The following DLG2 variants were observed in gnomAD, a reference collection of about 807,000 sequenced individuals.
DLG2 encodes the protein disks large homolog 2.
DLG2 carries 45 observed loss-of-function variants against 132.5 expected under a neutral mutation model. That is an observed-to-expected ratio of 0.34 (90% confidence interval 0.27 to 0.44). The LOEUF (loss-of-function observed/expected upper bound fraction) is 0.44. Ranked by LOEUF, DLG2 falls within the 20% of genes least tolerant of loss-of-function variation. The pLI, the probability that DLG2 is intolerant of heterozygous loss-of-function variation, is 1.00. For missense variants in DLG2, 1,045 were observed against 1,196.9 expected, an observed-to-expected ratio of 0.87 and a Z score of 1.87; for synonymous variants, 424 against 419.6, an observed-to-expected ratio of 1.01 and a Z score of -0.13.
intron 7 of DLG2, among the ~76,000 whole-genome samples, chr11:84,283,425 A>G (rs2154371534): frequency 6.6e-6 from 1 of 152,324 alleles, no homozygotes; most frequent in South Asian, 2.1e-4. Flanking sequence ...TTAGAGCAGA[A>G]CCTGGCACAT....
chr11:83,915,468 G>C (rs1348875188), intron 15 of DLG2, among the ~76,000 whole-genome samples: 1 of 152,042 alleles, frequency 6.6e-6, no homozygotes, highest in Non-Finnish European at 1.5e-5. Context: ...TTATTATTAG[G>C]ATTAGTGATT....
chr11:84,618,439 C>G (rs2099608307), intron 6 of DLG2, among the ~76,000 whole-genome samples: 1 of 151,936 alleles, frequency 6.6e-6, no homozygotes, highest in African/African-American at 2.4e-5. Flanking sequence ...GAATCTCAGC[C>G]ATGTAAGAAT....
chr11:83,614,974 G>C (rs1019406206), intron 19 of DLG2, among the ~76,000 whole-genome samples: 1 of 152,206 alleles, frequency 6.6e-6, no homozygotes, highest in African/African-American at 2.4e-5. Flanking sequence ...GATGGAGCTA[G>C]GGCAGATCAT....
At chr11:83,622,223 C>T (rs7946493) in intron 19 of DLG2, among the ~76,000 whole-genome samples, 4,296 of 152,228 alleles carry the variant, frequency 0.028, 206 homozygotes, top group African/African-American at 0.098. Context: ...CCACCATGCC[C>T]GGCTTTGCTA....
At position 84,623,685 on chromosome 11, in the gene DLG2, T is replaced by C. The variant is rs74953920; in HGVS notation, c.358-88954A>G. On this transcript the variant is annotated intron_variant, in intron 6 of 27. Coordinates refer to ENST00000376104, the MANE Select transcript of DLG2 (RefSeq NM_001142699.3). ...TTTTAATAGTTACTACCTCAATTACTTGTTTTTAATACAATGCATACACAT... is the reference window on the plus strand; with the variant it reads ...TTTTAATAGTTACTACCTCAATTACCTGTTTTTAATACAATGCATACACAT... Among the ~76,000 whole-genome samples the C allele has an allele frequency of 2.9e-3, 438 of 152,302 alleles. 1 individual carries two copies. Among genetic ancestry groups the C allele is most frequent in the African/African-American group, 0.01 (417 of 41,570 alleles).
intron 8 of DLG2, among the ~76,000 whole-genome samples, chr11:84,244,343 C>G (rs2097273959): frequency 6.6e-6 from 1 of 152,192 alleles, no homozygotes; most frequent in East Asian, 1.9e-4. Flanking sequence ...ACCACCACAC[C>G]TGGGTAATTT....
intron 7 of DLG2, among the ~76,000 whole-genome samples, chr11:84,406,666 A>C (rs968577777): frequency 1.3e-5 from 2 of 152,158 alleles, no homozygotes; most frequent in Non-Finnish European, 2.9e-5. Context: ...CTGTTCAAAG[A>C]ATTCCTCTTG....
chr11:84,279,593 T>C (rs1301681887), intron 7 of DLG2, among the ~76,000 whole-genome samples: 1 of 152,040 alleles, frequency 6.6e-6, no homozygotes, highest in Non-Finnish European at 1.5e-5. Flanking sequence ...ATAAAGAAAA[T>C]GTGGCACATA....
At chr11:85,232,487 T>C (rs114325142) in intron 4 of DLG2, among the ~76,000 whole-genome samples, 141 of 151,996 alleles carry the variant, frequency 9.3e-4, no homozygotes, top group African/African-American at 3.2e-3. Context: ...AACAAAGGTA[T>C]CAATATACCT....
intron 6 of DLG2, chr11:85,021,703 CA>C (rs572104164): frequency 2.3e-4 from 201 of 873,922 alleles, no homozygotes; most frequent in Non-Finnish European, 2.5e-4. Context: ...GGCTGAAGAT[CA>C]AAAAAAATCC....
chr11:83,566,529 C>A (rs958869531), intron 19 of DLG2, among the ~76,000 whole-genome samples: 4 of 152,072 alleles, frequency 2.6e-5, no homozygotes, highest in African/African-American at 9.7e-5. Context: ...CTACACTTGA[C>A]CACCTAGAAA....
At chr11:84,236,046 T>C (rs1478404484) in intron 8 of DLG2, among the ~76,000 whole-genome samples, 1 of 85,730 alleles carries the variant, frequency 1.2e-5, no homozygotes, top group South Asian at 5.4e-4. Flanking sequence ...TTCTCCATTT[T>C]ATTAAAAAAA....
At chr11:84,481,094 A>T (rs2099136236) in intron 7 of DLG2, among the ~76,000 whole-genome samples, 1 of 152,048 alleles carries the variant, frequency 6.6e-6, no homozygotes, top group Non-Finnish European at 1.5e-5. Context: ...ATTGAGACTC[A>T]AAAGAGATAA....
chr11:83,913,762 T>A (rs190810642), intron 15 of DLG2, among the ~76,000 whole-genome samples: 1 of 152,210 alleles, frequency 6.6e-6, no homozygotes, highest in East Asian at 1.9e-4. Context: ...AGCAAGGACC[T>A]CAAAGAAAGG....
intron 6 of DLG2, among the ~76,000 whole-genome samples, chr11:84,714,647 T>C (rs187580533): frequency 0.018 from 1,595 of 90,054 alleles, 36 homozygotes; most frequent in African/African-American, 0.058. Context: ...CTCTCTCTCT[T>C]TCTCTCTCTC....
At chr11:83,696,624 C>G (rs2081996049) in intron 18 of DLG2, among the ~76,000 whole-genome samples, 1 of 152,150 alleles carries the variant, frequency 6.6e-6, no homozygotes, top group African/African-American at 2.4e-5. Flanking sequence ...ACATCATAAT[C>G]TACTATAGAT....
chr11:84,456,322 T>G (rs552473168), intron 7 of DLG2, among the ~76,000 whole-genome samples: 2 of 151,444 alleles, frequency 1.3e-5, no homozygotes, highest in East Asian at 3.9e-4. Flanking sequence ...GTTTTCACCC[T>G]AAATAGACTT....
intron 9 of DLG2, among the ~76,000 whole-genome samples, chr11:84,106,802 T>C (rs942155074): frequency 1.3e-5 from 2 of 149,324 alleles, no homozygotes; most frequent in East Asian, 4.0e-4. Flanking sequence ...ACAGTGAAAG[T>C]AGATTATTAT....
chr11:84,611,024 TACACACAC>T lies in DLG2; in HGVS notation c.358-76301_358-76294del, dbSNP rs10587472. Among the ~76,000 whole-genome samples, 952 of 138,182 alleles carry T rather than the reference TACACACAC, an allele frequency of 6.9e-3. 13 individuals are homozygous for T. Among genetic ancestry groups the T allele is most frequent in the African/African-American group, 0.023 (849 of 37,112 alleles). The allele number at this position is 138,182 out of a possible 152,430, so 90.7% of individuals were successfully genotyped here. On this transcript the variant is annotated intron_variant, in intron 6 of 27. Transcript: ENST00000376104. ...GTGTACCACTGTCTGTTAGATGACA[TACACACAC>T]ACACACACACACACACACACACACA...
Sources: gnomAD v4.1 joint callset for allele counts (sites outside exome capture counted in the v4.1 genomes callset) on GRCh38, gnomAD v4.1.1 for gene constraint, MANE v1.5 for transcripts, NCBI Gene and HGNC (gene_info 2026-07-23, HGNC 2026-07-21) for gene names.